USH2A: variants seen among roughly 807,000 people sequenced by gnomAD.
The protein encoded by USH2A is usherin.
A neutral mutation model predicts 538.9 loss-of-function variants in USH2A; 443 were observed. That is an observed-to-expected ratio of 0.82 (90% CI 0.76 to 0.89). The LOEUF is 0.89. Ranked by LOEUF, USH2A falls within the 40% of genes least tolerant of loss-of-function variation. USH2A has a pLI of 0.00. For synonymous variants in USH2A, 2,413 were observed against 2,273.5 expected, an observed-to-expected ratio of 1.06 and a Z score of -1.75; for missense variants, 6,633 against 6,324.8, an observed-to-expected ratio of 1.05 and a Z score of -1.65.
Position 215,640,723 on chromosome 1 carries a change from G to C in USH2A, c.14803C>G (p.Arg4935Gly). 1 of 1,613,214 alleles carries C rather than the reference G, an allele frequency of 6.2e-7. No homozygotes were observed. The highest frequency in any genetic ancestry group is 8.5e-7 in the Non-Finnish European group (1 of 1,179,878). ...FTTQKELPQY[R>G]APFSVDSNLS... ...TTGCTGTCCACCGAAAATGGGGCTC[G>C]GTACTGAGGCACTGTGGGGAGAAAG... The change falls in exon 68 of 72, where the codon CGA (arginine) becomes GGA (glycine). Residue 4935 changes from arginine to glycine, a missense_variant. By Grantham distance (125) the Arg-to-Gly change is moderately radical. Transcript: ENST00000307340.
intron 37 of USH2A, among the ~76,000 whole-genome samples, chr1:215,944,567 T>C (rs1666713407): frequency 6.6e-6 from 1 of 152,162 alleles, no homozygotes; most frequent in South Asian, 2.1e-4. Context: ...TGCAAATTAC[T>C]GAAAAGGAAA....
intron 37 of USH2A, among the ~76,000 whole-genome samples, chr1:215,962,049 A>C (rs996028780): frequency 1.3e-5 from 2 of 152,054 alleles, no homozygotes; most frequent in Non-Finnish European, 2.9e-5. Context: ...ACAGTTTTTA[A>C]ACTTAAGAAA....
chr1:215,903,185 G>C (rs1298359378), intron 38 of USH2A, among the ~76,000 whole-genome samples: 1 of 152,142 alleles, frequency 6.6e-6, no homozygotes, highest in South Asian at 2.1e-4. Flanking sequence ...TCGGCTGAGA[G>C]TTTAAGGAGG....
At chr1:215,814,516 TGGAGA>T in intron 48 of USH2A, among the ~76,000 whole-genome samples, 1 of 152,172 alleles carries the variant, frequency 6.6e-6, no homozygotes, top group Non-Finnish European at 1.5e-5. Context: ...CATGAAAGAT[TGGAGA>T]GAAGTAGGAA....
At chr1:216,389,725 A>G (rs2039068130) in intron 3 of USH2A, among the ~76,000 whole-genome samples, 1 of 152,204 alleles carries the variant, frequency 6.6e-6, no homozygotes, top group Non-Finnish European at 1.5e-5. Flanking sequence ...TTCAGTACAA[A>G]TACCAATCAC....
intron 43 of USH2A, among the ~76,000 whole-genome samples, chr1:215,874,491 A>G (rs1571769511): frequency 6.6e-6 from 1 of 152,338 alleles, no homozygotes; most frequent in East Asian, 1.9e-4. Flanking sequence ...ATATAAAAGA[A>G]AAAATAACTA....
intron 13 of USH2A, among the ~76,000 whole-genome samples, chr1:216,244,661 T>A (rs2036001592): frequency 6.6e-6 from 1 of 151,714 alleles, no homozygotes; most frequent in African/African-American, 2.4e-5. Flanking sequence ...TGGCTTTTTC[T>A]GCAATGATAT....
At chr1:215,764,940 G>A (rs568901599) in intron 56 of USH2A, among the ~76,000 whole-genome samples, 2 of 150,658 alleles carry the variant, frequency 1.3e-5, no homozygotes, top group Non-Finnish European at 3.0e-5. Context: ...TTATTTCTTT[G>A]CATGATTATT....
chr1:215,850,941 G>T (rs1270875895), intron 44 of USH2A, among the ~76,000 whole-genome samples: 2 of 152,176 alleles, frequency 1.3e-5, no homozygotes, highest in African/African-American at 4.8e-5. Flanking sequence ...GCTCCTGAAT[G>T]ATCATTGGGT....
chr1:215,683,680 A>G (rs1658318557), intron 61 of USH2A, among the ~76,000 whole-genome samples: 1 of 151,076 alleles, frequency 6.6e-6, no homozygotes, highest in Admixed American at 6.6e-5. Context: ...CCTTCCTTTT[A>G]CTCCTTTGCT....
intron 3 of USH2A, among the ~76,000 whole-genome samples, chr1:216,404,618 C>CTT (rs375562284): frequency 0.1 from 10,971 of 109,942 alleles, 832 homozygotes; most frequent in South Asian, 0.17. Context: ...GAAACATAGG[C>CTT]TTTTTTTTTT....
chr1:216,174,925 C>G (rs1312049712), intron 21 of USH2A: 1 of 1,160,854 alleles, frequency 8.6e-7, no homozygotes, highest in East Asian at 5.8e-5. Context: ...AACTCATTTG[C>G]TCAGAGAACA....
intron 47 of USH2A, among the ~76,000 whole-genome samples, chr1:215,828,214 C>T (rs1220100558): frequency 1.3e-5 from 2 of 152,080 alleles, no homozygotes; most frequent in Non-Finnish European, 2.9e-5. Context: ...ATTTAGGAGG[C>T]CAAGGCGGGA....
At chr1:215,844,190 A>T in intron 46 of USH2A, 104 bp downstream of exon 46, 1 of 1,246,534 alleles carries the variant, frequency 8.0e-7, no homozygotes, top group Non-Finnish European at 1.1e-6. Context: ...CCCACCAAAG[A>T]AATAATCTGT....
chr1:216,278,793 G>C (rs2036718207), intron 11 of USH2A, among the ~76,000 whole-genome samples: 1 of 152,068 alleles, frequency 6.6e-6, no homozygotes, highest in South Asian at 2.1e-4. Context: ...GATGACTTTT[G>C]GACATGTTAT....
rs767689032 is a variant in USH2A, at chr1:216,325,292, C to T, written c.1143+13G>A. The T allele has an allele frequency of 5.6e-6, 9 of 1,612,954 alleles. No individual in the cohort carries two copies. In the Admixed American group the frequency reaches 8.3e-5, roughly 15 times the overall value. On this transcript the variant is annotated intron_variant, in intron 6 of 71. Coordinates refer to ENST00000307340, the MANE Select transcript of USH2A (RefSeq NM_206933.4). ...CACAGGAAATTAATGTACACCTTAT[C>T]GTTTCTCATTACCTGATACTGTCCA... is the stretch of plus-strand genomic sequence containing the variant.
At chr1:215,952,435 G>A (rs1666945320) in intron 37 of USH2A, among the ~76,000 whole-genome samples, 1 of 152,052 alleles carries the variant, frequency 6.6e-6, no homozygotes, top group South Asian at 2.1e-4. Flanking sequence ...ATGTTAGCTG[G>A]TTATTTTGCT....
At chr1:216,378,918 T>G (rs1168019048) in intron 3 of USH2A, among the ~76,000 whole-genome samples, 2 of 152,202 alleles carry the variant, frequency 1.3e-5, no homozygotes, top group African/African-American at 4.8e-5. Flanking sequence ...ACATTGGATC[T>G]GTCTGCAGAT....
At position 216,325,560 on chromosome 1, in the gene USH2A, C is replaced by G; in HGVS notation, c.888G>C (p.Leu296Phe). The change falls in exon 6 of 72, where the codon TTG becomes TTC. Residue 296 changes from leucine to phenylalanine, a missense_variant. Leu to Phe is a conservative substitution (Grantham distance 22). Transcript: ENST00000307340. The stretch of plus-strand genomic sequence containing the variant: ...GGCAACGGCAATGTGATTGGGCATG[C>G]AATCTGAGAAGATCTCCAGAGAAGA... The part of the protein sequence containing the change: ...LEVFSGDLLR[L>F]HAQSHCRCPG... 6.2e-7 allele frequency: 1 copy of G among 1,613,362 alleles called. No homozygotes were observed. The highest frequency in any genetic ancestry group is 8.5e-7 in the Non-Finnish European group (1 of 1,179,648).
Sources: gnomAD v4.1 joint callset for allele counts (sites outside exome capture counted in the v4.1 genomes callset) on GRCh38, gnomAD v4.1.1 for gene constraint, MANE v1.5 for transcripts, NCBI Gene and HGNC (gene_info 2026-07-23, HGNC 2026-07-21) for gene names.